The following SIPA1L2 variants were observed in gnomAD, a reference collection of about 807,000 sequenced individuals.
SIPA1L2 encodes the protein signal-induced proliferation-associated 1-like protein 2.
Under a neutral mutation model 163.9 loss-of-function variants are expected in SIPA1L2, and 56 were observed. The ratio of observed to expected loss-of-function variants is 0.34; its 90% CI spans 0.28 to 0.43. The LOEUF is 0.43. Among genes scored for constraint, SIPA1L2 ranks in the 20% least tolerant of loss-of-function variants. SIPA1L2 has a pLI of 1.00. For missense variants in SIPA1L2, 1,974 were observed against 2,193.5 expected (o/e 0.90, Z 2.00); for synonymous variants, 877 against 865.7 (o/e 1.01, Z -0.23).
At chr1:232,462,353 T>C (rs766374371) in intron 9 of SIPA1L2, 32 of 1,525,920 alleles carry the variant, frequency 2.1e-5, no homozygotes, top group Non-Finnish European at 2.7e-5. Flanking sequence ...TAATGAACAC[T>C]CCATTTCTAT....
At chr1:232,453,046 G>T (rs1484897626) in intron 10 of SIPA1L2, among the ~76,000 whole-genome samples, 1 of 152,144 alleles carries the variant, frequency 6.6e-6, no homozygotes, top group Non-Finnish European at 1.5e-5. Flanking sequence ...TGTTTATAGA[G>T]TTCTGGAATT....
chr1:232,599,757 A>C (rs1661496414), intron 1 of SIPA1L2, among the ~76,000 whole-genome samples: 1 of 152,234 alleles, frequency 6.6e-6, no homozygotes, highest in East Asian at 1.9e-4. Context: ...GCAAGACCTG[A>C]GCCTCACACT....
intron 1 of SIPA1L2, among the ~76,000 whole-genome samples, chr1:232,578,852 T>C (rs1471179946): frequency 2.0e-5 from 3 of 152,230 alleles, no homozygotes; most frequent in African/African-American, 7.2e-5. Flanking sequence ...TGCAGAGTTT[T>C]ACTTCATTTC....
At chr1:232,490,475 C>T (rs1348264010) in intron 5 of SIPA1L2, among the ~76,000 whole-genome samples, 1 of 152,186 alleles carries the variant, frequency 6.6e-6, no homozygotes, top group East Asian at 1.9e-4. Context: ...CTTCCTAACG[C>T]TTGCTGTTCA....
intron 10 of SIPA1L2, among the ~76,000 whole-genome samples, chr1:232,449,536 A>T (rs1037633466): frequency 6.7e-6 from 1 of 149,704 alleles, no homozygotes; most frequent in Non-Finnish European, 1.5e-5. Context: ...AAAAAAAAAA[A>T]ATTAAGGAAA....
chr1:232,429,963 G>T (rs979139170), intron 16 of SIPA1L2, among the ~76,000 whole-genome samples: 2 of 152,112 alleles, frequency 1.3e-5, no homozygotes, highest in Non-Finnish European at 2.9e-5. Flanking sequence ...TTCTATATAC[G>T]TTTATAGAAT....
intron 1 of SIPA1L2, among the ~76,000 whole-genome samples, chr1:232,620,299 A>G (rs555472164): frequency 2.0e-4 from 30 of 152,348 alleles, no homozygotes; most frequent in Middle Eastern, 3.4e-3. Flanking sequence ...AAGCAAGTGC[A>G]TATTGCCAGA....
At chr1:232,518,740 C>A (rs1423818899) in intron 2 of SIPA1L2, among the ~76,000 whole-genome samples, 1 of 152,208 alleles carries the variant, frequency 6.6e-6, no homozygotes, top group Non-Finnish European at 1.5e-5. Context: ...CTTCTAAGGA[C>A]TTCCTGCTTC....
rs1307597254 is a variant in SIPA1L2 at position 232,441,310 on chromosome 1, G to A, written c.3623C>T (p.Ser1208Phe). The A allele has an allele frequency of 1.3e-6, 2 of 1,596,840 alleles. No individual in the cohort carries two copies. The highest frequency in any genetic ancestry group is 1.7e-6 in the Non-Finnish European group (2 of 1,176,168). Residue 1208 changes from serine to phenylalanine, a missense_variant, in exon 14 of 23, where the codon TCC (serine) becomes TTC (phenylalanine). Transcript: ENST00000674635. ...ALQKDGSCKD[S>F]PNKLSHIGDK... ...ACTTACGTGAGAAAGCTTATTGGGG[G>A]AATCTTTGCAACTTCCATCTTTCTG...
chr1:232,404,818 T>A (rs1660546996), intron 19 of SIPA1L2, among the ~76,000 whole-genome samples: 1 of 152,166 alleles, frequency 6.6e-6, no homozygotes, highest in South Asian at 2.1e-4. Context: ...AACCTCGCAA[T>A]CTATTCCATG....
intron 9 of SIPA1L2, chr1:232,462,121 AAAG>A (rs1572934895): frequency 1.2e-5 from 13 of 1,096,888 alleles, no homozygotes; most frequent in Admixed American, 2.0e-5. Context: ...AAGGAACATG[AAAG>A]AAGAATGGTG....
chr1:232,546,007 T>G (rs1658011001), intron 2 of SIPA1L2, among the ~76,000 whole-genome samples: 1 of 152,194 alleles, frequency 6.6e-6, no homozygotes, highest in Non-Finnish European at 1.5e-5. Context: ...GTAGGCACAA[T>G]CAGCAACCAT....
At chr1:232,402,525 T>C in intron 21 of SIPA1L2, 52 bp from the exon 22 acceptor site, 1 of 1,539,340 alleles carries the variant, frequency 6.5e-7, no homozygotes, top group Non-Finnish European at 8.9e-7. Flanking sequence ...ATCGAGCATT[T>C]TTGTTGGTCA....
At chr1:232,416,373 T>C (rs943109132) in intron 18 of SIPA1L2, among the ~76,000 whole-genome samples, 11 of 152,226 alleles carry the variant, frequency 7.2e-5, no homozygotes, top group African/African-American at 2.7e-4. Flanking sequence ...GGCCAGCATG[T>C]AAGGGCAGGG....
intron 3 of SIPA1L2, among the ~76,000 whole-genome samples, chr1:232,502,631 C>T (rs947650893): frequency 1.3e-5 from 2 of 152,192 alleles, no homozygotes; most frequent in African/African-American, 2.4e-5. Context: ...TTTCCTCTTT[C>T]TGTCTCACAC....
At chr1:232,460,191 G>C (rs1261091306) in intron 10 of SIPA1L2, among the ~76,000 whole-genome samples, 1 of 152,064 alleles carries the variant, frequency 6.6e-6, no homozygotes, top group Non-Finnish European at 1.5e-5. Flanking sequence ...TCTCCTTTTG[G>C]CCTAATATTT....
At chr1:232,617,891 G>C (rs1367325656) in intron 1 of SIPA1L2, among the ~76,000 whole-genome samples, 1 of 151,948 alleles carries the variant, frequency 6.6e-6, no homozygotes, top group Admixed American at 6.6e-5. Flanking sequence ...TATACATGCC[G>C]AAGTGTTTAG....
chr1:232,449,588 C>T (rs919375223), intron 10 of SIPA1L2, among the ~76,000 whole-genome samples: 5 of 146,684 alleles, frequency 3.4e-5, no homozygotes, highest in Non-Finnish European at 7.4e-5. Flanking sequence ...CCAGACAGAC[C>T]TATCACAAAA....
intron 11 of SIPA1L2, 99 bp from the exon 12 acceptor site, chr1:232,443,784 G>C: frequency 1.1e-6 from 1 of 908,970 alleles, no homozygotes; most frequent in Non-Finnish European, 1.6e-6. Flanking sequence ...CTTTGAGAAT[G>C]ACAAAGAAAA....
Sources: allele counts gnomAD v4.1 joint callset (sites outside exome capture counted in the v4.1 genomes callset), GRCh38; gene constraint gnomAD v4.1.1; transcripts MANE v1.5; gene names NCBI Gene and HGNC (gene_info 2026-07-23, HGNC 2026-07-21).